The following DYM variants were observed in gnomAD, a reference collection of about 807,000 sequenced individuals.
The protein encoded by DYM is dyggve-Melchior-Clausen syndrome protein.
DYM carries 78 observed loss-of-function variants against 93.1 expected under a neutral mutation model. The observed-to-expected ratio is 0.84, with a 90% CI of 0.70 to 1.01. The LOEUF is 1.01. Among genes scored for constraint, DYM ranks in the 50% least tolerant of loss-of-function variants. The pLI is 0.00. For missense variants in DYM, 789 were observed against 845.0 expected (o/e 0.93, Z 0.82); for synonymous variants, 321 against 319.7 (o/e 1.00, Z -0.04).
chr18:49,367,242 C>G (rs372185953), intron 5 of DYM, among the ~76,000 whole-genome samples: 1 of 152,178 alleles, frequency 6.6e-6, no homozygotes, highest in African/African-American at 2.4e-5. Flanking sequence ...CTATTATCAT[C>G]CGTATTGTGC....
intron 10 of DYM, among the ~76,000 whole-genome samples, chr18:49,278,122 C>T (rs913119690): frequency 1.1e-4 from 16 of 152,026 alleles, no homozygotes; most frequent in African/African-American, 3.4e-4. Context: ...ATATAAAAAC[C>T]ACATTCAGAA....
At chr18:49,202,683 A>C (rs1308114147) in intron 14 of DYM, among the ~76,000 whole-genome samples, 9 of 80,880 alleles carry the variant, frequency 1.1e-4, no homozygotes, top group South Asian at 5.8e-4. Context: ...TGCCCGGCCG[A>C]GACCCCGTCT....
intron 14 of DYM, among the ~76,000 whole-genome samples, chr18:49,207,480 C>G (rs1306128294): frequency 6.6e-6 from 1 of 152,172 alleles, no homozygotes; most frequent in East Asian, 1.9e-4. Context: ...GGGTCAAACA[C>G]TAGTCTAGAT....
At chr18:49,253,701 G>A (rs574686375) in intron 13 of DYM, among the ~76,000 whole-genome samples, 1 of 152,180 alleles carries the variant, frequency 6.6e-6, no homozygotes, top group African/African-American at 2.4e-5. Flanking sequence ...GTGGGAGCTG[G>A]GTAGAACTAC....
chr18:49,053,568 C>T (rs1001240312), intron 17 of DYM, among the ~76,000 whole-genome samples: 1 of 152,112 alleles, frequency 6.6e-6, no homozygotes, highest in Admixed American at 6.6e-5. Flanking sequence ...TGGCGCAGGT[C>T]GGGAGTGATG....
chr18:49,047,618 C>T (rs997000862), intron 17 of DYM, among the ~76,000 whole-genome samples: 29 of 152,228 alleles, frequency 1.9e-4, no homozygotes. Flanking sequence ...ACCTGCCCTG[C>T]ACAGTGCTCT....
chr18:49,327,897 T>A (rs748531808), intron 8 of DYM, among the ~76,000 whole-genome samples: 14 of 152,178 alleles, frequency 9.2e-5, no homozygotes, highest in Non-Finnish European at 1.5e-4. Context: ...CTCTGCTGGA[T>A]ACTGCAGGGG....
chr18:49,375,263 AT>A (rs763183848), intron 5 of DYM, among the ~76,000 whole-genome samples: 12 of 150,642 alleles, frequency 8.0e-5, no homozygotes, highest in Non-Finnish European at 1.3e-4. Flanking sequence ...GAAGAAAAAA[AT>A]ATATATATAT....
chr18:49,077,657 CACAT>C (rs1184795821), intron 17 of DYM, among the ~76,000 whole-genome samples: 1 of 152,200 alleles, frequency 6.6e-6, no homozygotes, highest in East Asian at 1.9e-4. Flanking sequence ...TTGCTATTGG[CACAT>C]GCACATTTGT....
chr18:49,340,141 A>T (rs959103994), intron 6 of DYM, among the ~76,000 whole-genome samples: 2 of 151,784 alleles, frequency 1.3e-5, no homozygotes, highest in Admixed American at 6.6e-5. Flanking sequence ...TTTAGTAGAG[A>T]CGGGGTTTCA....
intron 15 of DYM, among the ~76,000 whole-genome samples, chr18:49,119,342 T>A (rs571783786): frequency 2.6e-5 from 4 of 152,360 alleles, no homozygotes; most frequent in Middle Eastern, 6.8e-3. Context: ...GATGACTTCA[T>A]TTCTCTACAC....
intron 13 of DYM, among the ~76,000 whole-genome samples, chr18:49,255,342 C>T (rs1206690072): frequency 6.6e-6 from 1 of 152,144 alleles, no homozygotes; most frequent in Non-Finnish European, 1.5e-5. Context: ...TGCTCCACTG[C>T]ACTCCAGCCT....
intron 3 of DYM, among the ~76,000 whole-genome samples, chr18:49,386,946 T>C (rs1032936306): frequency 8.5e-6 from 1 of 117,158 alleles, no homozygotes; most frequent in African/African-American, 3.0e-5. Flanking sequence ...ATTTATTTAC[T>C]TTTTTTTTTT....
chr18:49,409,426 C>T (rs1218841638), intron 2 of DYM, among the ~76,000 whole-genome samples: 1 of 152,120 alleles, frequency 6.6e-6, no homozygotes, highest in Non-Finnish European at 1.5e-5. Context: ...TCATGAGCCA[C>T]AATTCAGGAG....
At chr18:49,410,445 T>A (rs1343150767) in intron 2 of DYM, among the ~76,000 whole-genome samples, 4 of 150,516 alleles carry the variant, frequency 2.7e-5, no homozygotes, top group African/African-American at 9.8e-5. Context: ...TAAAAAAAAA[T>A]AAGAAGTTGA....
intron 8 of DYM, among the ~76,000 whole-genome samples, chr18:49,325,045 G>A (rs1453146741): frequency 1.3e-5 from 2 of 152,154 alleles, no homozygotes; most frequent in East Asian, 1.9e-4. Flanking sequence ...AGGAGTGGGA[G>A]ATGAGAAAAG....
At chr18:49,383,136 G>C (rs981658054) in intron 3 of DYM, among the ~76,000 whole-genome samples, 1 of 152,138 alleles carries the variant, frequency 6.6e-6, no homozygotes, top group Non-Finnish European at 1.5e-5. Context: ...GATGAAAAGG[G>C]AAACTTGCTT....
chr18:49,292,592 GAAAAAAAAAAAAA>G lies in DYM; in HGVS notation c.764-5989_764-5977del, dbSNP rs72415237. Among the ~76,000 whole-genome samples, 130 of 78,790 alleles carry G rather than the reference GAAAAAAAAAAAAA, an allele frequency of 1.6e-3. 3 individuals are homozygous for G. Among genetic ancestry groups the G allele is most frequent in the Admixed American group, 3.4e-3 (20 of 5,846 alleles). 51.7% of individuals were successfully genotyped at this position (78,790 alleles called of 152,430 possible). ...TTAGTGGAATTGCATTTTCCTGTTG[GAAAAAAAAAAAAA>G]AAAAAAAAAAAAAAAAAAAACCCCC... On this transcript the variant is annotated intron_variant, in intron 8 of 17. Coordinates refer to ENST00000675505, the MANE Select transcript of DYM (RefSeq NM_001353214.3).
chr18:49,454,907 C>CA (rs35671085), intron 1 of DYM, among the ~76,000 whole-genome samples: 1,801 of 72,850 alleles, frequency 0.025, 31 homozygotes, highest in Non-Finnish European at 0.034. Flanking sequence ...GACTCTGTCT[C>CA]AAAAAAAAAA....
Sources: allele counts gnomAD v4.1 joint callset (sites outside exome capture counted in the v4.1 genomes callset), GRCh38; gene constraint gnomAD v4.1.1; transcripts MANE v1.5; gene names NCBI Gene and HGNC (gene_info 2026-07-23, HGNC 2026-07-21).